Variants in GUCY2D observed in about 807,000 individuals in gnomAD.
GUCY2D encodes retinal guanylyl cyclase 1.
A neutral mutation model predicts 101.3 loss-of-function variants in GUCY2D; 70 were observed. That is an observed-to-expected ratio of 0.69 (90% confidence interval 0.57 to 0.84). The LOEUF is 0.84. Ranked by LOEUF, GUCY2D falls within the 40% of genes least tolerant of loss-of-function variation. The pLI is 0.00. For missense variants in GUCY2D, 1,460 were observed against 1,542.5 expected (o/e 0.95, Z 0.90); for synonymous variants, 688 against 670.7 (o/e 1.03, Z -0.40).
chr17:8,002,972 G>T lies in GUCY2D; in HGVS notation c.-9-67G>T. The T allele has an allele frequency of 7.9e-7, 1 of 1,259,092 alleles. No individual in the cohort carries two copies. The highest frequency in any genetic ancestry group is 1.3e-5 in the South Asian group (1 of 74,452). The allele number at this position is 1,259,092 out of a possible 1,614,324, so 78.0% of individuals were successfully genotyped here. ...TTACTCGGGCTTGGAGAAACTCGGG[G>T]TTACGGGGAGAACCCTAGGGGAGGC... On this transcript the variant is annotated intron_variant, in intron 1 of 19. Transcript: ENST00000254854. The surrounding 1 kb of genome is among the most constrained non-coding windows in gnomAD (Gnocchi z 4.9).
intron 8 of GUCY2D, among the ~76,000 whole-genome samples, chr17:8,010,070 G>A (rs949888314): frequency 3.3e-5 from 5 of 151,898 alleles, no homozygotes; most frequent in African/African-American, 1.2e-4. Flanking sequence ...CTTTGATCTT[G>A]TTGCAATGTG....
rs1975917138 is a variant in GUCY2D, at chr17:8,014,264, C to T, written c.2412+236C>T. The T allele has an allele frequency of 3.3e-6, 2 of 609,832 alleles. No homozygotes were observed. Among genetic ancestry groups the T allele is most frequent in the Admixed American group, 5.6e-5 (2 of 35,676 alleles). The allele number at this position is 609,832 out of a possible 1,614,324, so 37.8% of individuals were successfully genotyped here. ...GGTGGGAGGAATATTCAATTCAATTCAAATAACACTGATTGAGAACCAAGT... is the reference window on the plus strand; with the variant it reads ...GGTGGGAGGAATATTCAATTCAATTTAAATAACACTGATTGAGAACCAAGT... On this transcript the variant is annotated intron_variant, in intron 12 of 19. Transcript: ENST00000254854. The surrounding 1 kb of genome is among the most constrained non-coding windows in gnomAD (Gnocchi z 4.0).
intron 14 of GUCY2D, 42 bp from the exon 15 acceptor site, chr17:8,015,286 G>C (rs570648500): frequency 5.1e-6 from 8 of 1,569,280 alleles, no homozygotes; most frequent in African/African-American, 2.7e-5. Flanking sequence ...TACTCGGGGG[G>C]AATGCTCAAA....
Position 8,016,266 on chromosome 17 carries a change from C to T in GUCY2D, c.3200C>T (p.Pro1067Leu), listed in dbSNP as rs750301530. 2 of 1,580,192 alleles carry T rather than the reference C, an allele frequency of 1.3e-6. No homozygotes were observed. The highest frequency in any genetic ancestry group is 1.9e-5 in the Admixed American group (1 of 54,048). ...VGRRGFNKPI[P>L]KPPDLQPGSS... ...AGACGCGGCTTCAACAAGCCCATCC[C>T]CAAACCGCCTGACCTGCAACCGGGG... The change falls in exon 18 of 20, where the codon CCC (proline) becomes CTC (leucine). Residue 1067 changes from proline to leucine, a missense_variant. Around this residue, in one of 3 missense-constraint regions of GUCY2D, gnomAD observed 215 missense variants for 227.9 expected, o/e 0.94. Transcript: ENST00000254854.
rs1359016577 is a variant in GUCY2D at position 8,015,318 on chromosome 17, C to T, written c.2770-10C>T. 6.2e-7 allele frequency: 1 copy of T among 1,603,152 alleles called. No individual in the cohort carries two copies. Among genetic ancestry groups the T allele is most frequent in the Admixed American group, 1.7e-5 (1 of 60,030 alleles). ...CAAAAGAAAATTCACACAACTCCTT[C>T]TTCCCCCAGGTGGAGACAATAGGGG... On this transcript the variant is annotated splice_polypyrimidine_tract_variant and intron_variant, in intron 14 of 19. Coordinates refer to ENST00000254854, the MANE Select transcript of GUCY2D (RefSeq NM_000180.4).
At chr17:8,017,985 C>T (rs1976008543) in intron 19 of GUCY2D, among the ~76,000 whole-genome samples, 1 of 152,190 alleles carries the variant, frequency 6.6e-6, no homozygotes, top group Admixed American at 6.6e-5. Context: ...TGAGACACCG[C>T]GCCTGACCTT....
In GUCY2D at chr17:8,011,954, T is replaced by A. The variant is rs1975858275; in HGVS notation, c.1750-190T>A. ...CAGTATCCAAACAGTGGCCTTTGAC[T>A]ATATTGTTTTTTCCAAAAATAGGAC... On this transcript the variant is annotated intron_variant, in intron 8 of 19. Transcript: ENST00000254854. This position sits in a 1 kb window ranked among gnomAD's most constrained non-coding sequence, Gnocchi z 4.3. Among the ~76,000 whole-genome samples the A allele has an allele frequency of 6.6e-6, 1 of 152,224 alleles. No homozygotes were observed. Among genetic ancestry groups the A allele is most frequent in the Admixed American group, 6.5e-5 (1 of 15,278 alleles).
chr17:8,003,330 C>T lies in GUCY2D; in HGVS notation c.283C>T (p.Arg95Cys). Residue 95 changes from arginine to cysteine, a missense_variant, in exon 2 of 20, where the codon CGC (arginine) becomes TGC (cysteine). Coordinates refer to ENST00000254854, the MANE Select transcript of GUCY2D (RefSeq NM_000180.4). ...NRDPGLAGGP[R>C]FEVALLPEPC... ...CGACCCCGGCCTGGCAGGCGGTCCC[C>T]GCTTCGAGGTAGCGCTGCTGCCCGA... 1 of 1,482,906 alleles carries T rather than the reference C, an allele frequency of 6.7e-7. No individual in the cohort carries two copies. Among genetic ancestry groups the T allele is most frequent in the Non-Finnish European group, 8.9e-7 (1 of 1,123,568 alleles). The allele number at this position is 1,482,906 out of a possible 1,614,324, so 91.9% of individuals were successfully genotyped here.
chr17:8,015,170 C>G (rs1001190305), intron 14 of GUCY2D, 119 bp downstream of exon 14: 1 of 1,105,948 alleles, frequency 9.0e-7, no homozygotes, highest in Non-Finnish European at 1.3e-6. Flanking sequence ...TCCCAGACCT[C>G]CTGTCCCTTA....
rs918045455 is a variant in GUCY2D, at chr17:8,015,042, T to A, written c.2760T>A (p.Asp920Glu). ...TLFDAIIGSH[D>E]VYKVETIGDA... ...TTGATGCCATCATTGGTTCCCACGA[T>A]GTCTACAAGGTGCAGTGTGTAGGGG... Residue 920 changes from aspartate (D) to glutamate (E), a missense_variant, in exon 14 of 20, where the codon GAT becomes GAA. Physicochemically the swap from Asp to Glu is conservative, Grantham distance 45 (BLOSUM62 2). This residue lies in a region of GUCY2D where 49 missense variants were observed against 85.0 expected (regional missense o/e 0.58). Coordinates refer to ENST00000254854, the MANE Select transcript of GUCY2D (RefSeq NM_000180.4). 1.2e-6 allele frequency: 2 copies of A among 1,613,226 alleles called. No individual in the cohort carries two copies. Among genetic ancestry groups the A allele is most frequent in the Non-Finnish European group, 1.7e-6 (2 of 1,179,600 alleles).
At position 8,013,120 on chromosome 17, in the gene GUCY2D, C is replaced by T; in HGVS notation, c.2131C>T (p.Pro711Ser). ...PRAEDQLWTA[P>S]ELLRDPALER... ...ATCCCCAGACCAGCTGTGGACAGCC[C>T]CGGAGCTGCTTAGGGACCCAGCCCT... Residue 711 changes from proline to serine, a missense_variant, in exon 11 of 20, where the codon CCG becomes TCG. Pro to Ser is a moderately conservative substitution (Grantham distance 74, BLOSUM62 -1). This residue lies in a region of GUCY2D where 1,196 missense variants were observed against 1,229.6 expected (regional missense o/e 0.97). Transcript: ENST00000254854. This position sits in a 1 kb window ranked among gnomAD's most constrained non-coding sequence, Gnocchi z 5.0. The T allele has an allele frequency of 6.2e-7, 1 of 1,613,248 alleles. No homozygotes were observed. The highest frequency in any genetic ancestry group is 8.5e-7 in the Non-Finnish European group (1 of 1,179,966).
Position 8,013,174 on chromosome 17 carries a change from G to T in GUCY2D, c.2185G>T (p.Val729Phe). Residue 729 changes from valine (V) to phenylalanine (F), a missense_variant, in exon 11 of 20, where the codon GTC (valine) becomes TTC (phenylalanine). Coordinates refer to ENST00000254854, the MANE Select transcript of GUCY2D (RefSeq NM_000180.4). The surrounding 1 kb of genome is among the most constrained non-coding windows in gnomAD (Gnocchi z 5.0). ...LERRGTLAGD[V>F]FSLAIIMQEV... The stretch of plus-strand genomic sequence containing the variant: ...GCGCCGGGGAACGCTGGCCGGCGAC[G>T]TCTTTAGCTTGGCCATCATCATGCA... 6.2e-7 allele frequency: 1 copy of T among 1,614,050 alleles called. No individual in the cohort carries two copies. The highest frequency in any genetic ancestry group is 8.5e-7 in the Non-Finnish European group (1 of 1,179,952).
At position 8,013,061 on chromosome 17, in the gene GUCY2D, A is replaced by G; in HGVS notation, c.2114-42A>G. The G allele has an allele frequency of 1.3e-6, 2 of 1,593,452 alleles. No homozygotes were observed. Among genetic ancestry groups the G allele is most frequent in the Non-Finnish European group, 1.7e-6 (2 of 1,168,676 alleles). On this transcript the variant is annotated intron_variant, in intron 10 of 19. Transcript: ENST00000254854. The surrounding 1 kb of genome is among the most constrained non-coding windows in gnomAD (Gnocchi z 5.0). ...ACCTGGGCTTTCTGGTGAGGGTGGG[A>G]GTCTTTCCCCAGCGGCGCCTCAGCC... is the stretch of plus-strand genomic sequence containing the variant.
intron 19 of GUCY2D, among the ~76,000 whole-genome samples, chr17:8,018,291 G>A (rs935105448): frequency 6.6e-6 from 1 of 152,168 alleles, no homozygotes; most frequent in African/African-American, 2.4e-5. Flanking sequence ...TGTGGTTGGT[G>A]GGCCAGGGTC....
chr17:8,019,837 T>C (rs1976039436), intron 19 of GUCY2D, among the ~76,000 whole-genome samples: 1 of 152,224 alleles, frequency 6.6e-6, no homozygotes. Context: ...CCTGTTCCTG[T>C]GGCCTGGGCA....
chr17:8,006,196 G>A (rs571359815), intron 3 of GUCY2D, among the ~76,000 whole-genome samples, 167 bp from the exon 4 acceptor site: 2 of 151,994 alleles, frequency 1.3e-5, no homozygotes, highest in African/African-American at 4.8e-5. Flanking sequence ...GAGGGAGGAA[G>A]AGAGCCAATG....
rs1217978750 is a variant in GUCY2D at position 8,014,313 on chromosome 17, A to G, written c.2412+285A>G. 8.3e-6 allele frequency: 5 copies of G among 601,398 alleles called. No homozygotes were observed. The highest frequency in any genetic ancestry group is 1.9e-5 in the African/African-American group (1 of 53,992). 37.3% of individuals were successfully genotyped at this position (601,398 alleles called of 1,614,324 possible). ...GTATGTGCTTGGCCTGCTGTGACAG[A>G]AAGACCCTTGGCCTGGGAGCCCAAC... On this transcript the variant is annotated intron_variant, in intron 12 of 19. Transcript: ENST00000254854. The surrounding 1 kb of genome is among the most constrained non-coding windows in gnomAD (Gnocchi z 4.0).
At chr17:8,018,666 T>A (rs1458651844) in intron 19 of GUCY2D, among the ~76,000 whole-genome samples, 3 of 152,146 alleles carry the variant, frequency 2.0e-5, no homozygotes, top group African/African-American at 7.2e-5. Context: ...CTGCTGCAGC[T>A]AAACAGCAAC....
Position 8,012,569 on chromosome 17 carries a change from A to G in GUCY2D, c.2076A>G (p.Glu692=), listed in dbSNP as rs779017511. ...ACCACGGCCACGGGAGACTGCTGGAAGCACAGAAGGTGCTACCGGAGCCTC... is the reference window on the plus strand; with the variant it reads ...ACCACGGCCACGGGAGACTGCTGGAGGCACAGAAGGTGCTACCGGAGCCTC... ...ITDHGHGRLL[E]AQKVLPEPPR... The change falls in exon 10 of 20, where the codon GAA becomes GAG. Residue 692 remains glutamate, a synonymous_variant. Transcript: ENST00000254854. 14 of 1,613,988 alleles carry G rather than the reference A, an allele frequency of 8.7e-6. No homozygotes were observed. Among genetic ancestry groups the G allele is most frequent in the African/African-American group, 2.7e-5 (2 of 75,050 alleles).
Sources: allele counts gnomAD v4.1 joint callset (sites outside exome capture counted in the v4.1 genomes callset), GRCh38; gene constraint gnomAD v4.1.1; regional missense constraint gnomAD v4.1.1; non-coding constraint Gnocchi (gnomAD v3.1); transcripts MANE v1.5; gene names NCBI Gene and HGNC (gene_info 2026-07-23, HGNC 2026-07-21).